The following GDPD5 variants were observed in gnomAD, a reference collection of about 807,000 sequenced individuals.
GDPD5 encodes glycerophosphodiester phosphodiesterase domain containing 5.
GDPD5 carries 48 observed loss-of-function variants against 75.1 expected under a neutral mutation model. The ratio of observed to expected loss-of-function variants is 0.64; its 90% CI spans 0.51 to 0.81. The LOEUF (loss-of-function observed/expected upper bound fraction) is 0.81. GDPD5 is among the 40% of genes least tolerant of loss of function. The probability of loss-of-function intolerance (pLI) is 0.00; values close to 1 mark genes in which losing one functional copy is unlikely to be tolerated. For missense variants in GDPD5, 706 were observed against 822.6 expected (o/e 0.86, Z 1.73); for synonymous variants, 336 against 339.0 (o/e 0.99, Z 0.10).
At chr11:75,455,067 G>A (rs1219956571) in intron 6 of GDPD5, 1 of 289,836 alleles carries the variant, frequency 3.5e-6, no homozygotes, top group East Asian at 8.3e-5. Flanking sequence ...ATAGGGGGCA[G>A]AGGGCAGAGG....
chr11:75,457,722 C>T lies in GDPD5; in HGVS notation c.286G>A (p.Ala96Thr). Residue 96 changes from alanine (A) to threonine (T), a missense_variant, in exon 5 of 17, where the codon GCT (alanine) becomes ACT (threonine). By Grantham distance (58) the Ala-to-Thr change is moderately conservative. Transcript: ENST00000336898. ...WPVPILVTTA[A>T]AFAYIAGLLV... is the part of the protein sequence containing the mutation. ...AGGCCAGCGATGTATGCGAAGGCAGCAGCTGTGGTCACAAGGATGGGTACG... is the reference window on the plus strand; with the variant it reads ...AGGCCAGCGATGTATGCGAAGGCAGTAGCTGTGGTCACAAGGATGGGTACG... The T allele has an allele frequency of 1.9e-6, 3 of 1,614,158 alleles. No homozygotes were observed. Among genetic ancestry groups the T allele is most frequent in the Non-Finnish European group, 2.5e-6 (3 of 1,180,002 alleles).
chr11:75,453,199 C>T (rs1420070364), intron 6 of GDPD5, among the ~76,000 whole-genome samples: 1 of 152,068 alleles, frequency 6.6e-6, no homozygotes, highest in African/African-American at 2.4e-5. Flanking sequence ...AAGGTCCCCA[C>T]ATAAGCACCA....
At chr11:75,454,709 G>C (rs1949246909) in intron 6 of GDPD5, among the ~76,000 whole-genome samples, 1 of 152,178 alleles carries the variant, frequency 6.6e-6, no homozygotes, top group Admixed American at 6.5e-5. Context: ...TGGAGTAGGC[G>C]ACTGTTTGTG....
Position 75,465,518 on chromosome 11 carries a change from G to C in GDPD5, c.118-2629C>G, listed in dbSNP as rs894026723. On this transcript the variant is annotated intron_variant, in intron 3 of 16. Coordinates refer to ENST00000336898, the MANE Select transcript of GDPD5 (RefSeq NM_030792.8). ...CTATACATAAATGCCTTGAGATCTG[G>C]GCAGTTTTCGTGTTCCAGATGGCAC... Among the ~76,000 whole-genome samples the C allele has an allele frequency of 2.0e-5, 3 of 152,104 alleles. No homozygotes were observed. The South Asian group carries it at 6.2e-4, about 32-fold the overall frequency.
intron 2 of GDPD5, among the ~76,000 whole-genome samples, chr11:75,483,961 T>C (rs1369057487): frequency 6.6e-6 from 1 of 151,740 alleles, no homozygotes; most frequent in African/African-American, 2.4e-5. Flanking sequence ...CCGAGGAGGG[T>C]GGATCACTTG....
intron 1 of GDPD5, among the ~76,000 whole-genome samples, chr11:75,496,775 CTTTCTTTT>C (rs1343115701): frequency 3.9e-5 from 3 of 76,182 alleles, no homozygotes; most frequent in African/African-American, 1.1e-4. Context: ...TCTTTTCTTT[CTTTCTTTT>C]TTTTTTTTTT....
chr11:75,435,009 G>T lies in GDPD5; in HGVS notation c.*498C>A. The T allele has an allele frequency of 6.5e-6, 1 of 153,232 alleles. No homozygotes were observed. The highest frequency in any genetic ancestry group is 1.5e-5 in the Non-Finnish European group (1 of 68,390). The allele number at this position is 153,232 out of a possible 1,614,324, so 9.5% of individuals were successfully genotyped here. A position where few individuals can be genotyped will look rare whatever the true frequency, so the allele number is the denominator to read the frequency against. ...CACATTGCAGCTGGCTTCCTCCTGGGCTGAACCTCCTTGTGCTTTGAGACT... is the reference window on the plus strand; with the variant it reads ...CACATTGCAGCTGGCTTCCTCCTGGTCTGAACCTCCTTGTGCTTTGAGACT... On this transcript the variant is annotated 3_prime_UTR_variant, in exon 17 of 17. Coordinates refer to ENST00000336898, the MANE Select transcript of GDPD5 (RefSeq NM_030792.8).
intron 1 of GDPD5, among the ~76,000 whole-genome samples, chr11:75,520,648 TAGC>T (rs1448606456): frequency 2.6e-5 from 4 of 152,212 alleles, no homozygotes; most frequent in Non-Finnish European, 5.9e-5. Context: ...TGGAAGCTTA[TAGC>T]AGGCAGCATC....
At chr11:75,478,149 G>A (rs1174015254) in intron 2 of GDPD5, among the ~76,000 whole-genome samples, 1 of 152,058 alleles carries the variant, frequency 6.6e-6, no homozygotes, top group Non-Finnish European at 1.5e-5. Context: ...TAGCTCAAAT[G>A]TCCTTTTCTT....
At chr11:75,455,776 G>A (rs531727554) in intron 6 of GDPD5, among the ~76,000 whole-genome samples, 1 of 152,354 alleles carries the variant, frequency 6.6e-6, no homozygotes, top group East Asian at 1.9e-4. Flanking sequence ...GTGCCCACCA[G>A]GGCCCCAAGA....
At chr11:75,458,117 G>A (rs1308865403) in intron 4 of GDPD5, among the ~76,000 whole-genome samples, 1 of 152,140 alleles carries the variant, frequency 6.6e-6, no homozygotes, top group Non-Finnish European at 1.5e-5. Context: ...CCAGGACCCC[G>A]CTGCACAAAG....
chr11:75,506,967 T>C (rs1463375761), intron 1 of GDPD5: 1 of 152,274 alleles, frequency 6.6e-6, no homozygotes, highest in East Asian at 1.9e-4. Flanking sequence ...GCCAGCTCTA[T>C]CCCAATCCTG....
At chr11:75,509,320 C>T (rs1281047520) in intron 1 of GDPD5, among the ~76,000 whole-genome samples, 2 of 152,182 alleles carry the variant, frequency 1.3e-5, no homozygotes, top group African/African-American at 4.8e-5. Flanking sequence ...TCTGTTCAAA[C>T]ACAGACAGGG....
chr11:75,466,212 A>C (rs978321940), intron 3 of GDPD5, among the ~76,000 whole-genome samples: 2 of 152,186 alleles, frequency 1.3e-5, no homozygotes, highest in Non-Finnish European at 2.9e-5. Context: ...GGTTGGGGCA[A>C]CCTAGGGATT....
intron 3 of GDPD5, among the ~76,000 whole-genome samples, chr11:75,472,853 C>T (rs1057126729): frequency 2.6e-5 from 4 of 152,000 alleles, no homozygotes; most frequent in African/African-American, 9.7e-5. Context: ...ACATGGCCAG[C>T]ACAGGTCAAC....
intron 1 of GDPD5, among the ~76,000 whole-genome samples, chr11:75,504,997 C>G (rs1950365837): frequency 6.6e-6 from 1 of 151,882 alleles, no homozygotes; most frequent in Admixed American, 6.6e-5. Context: ...GTGCGCATGC[C>G]TGTAATCCCA....
intron 4 of GDPD5, among the ~76,000 whole-genome samples, chr11:75,461,624 A>G (rs1471334070): frequency 1.3e-5 from 2 of 152,156 alleles, no homozygotes; most frequent in Non-Finnish European, 2.9e-5. Context: ...AGCAGCCCTC[A>G]TGTTTAGGTA....
rs540408478 is a variant in GDPD5 at position 75,435,448 on chromosome 11, A to G, written c.*59T>C. 26 of 1,459,992 alleles carry G rather than the reference A, an allele frequency of 1.8e-5. No homozygotes were observed. The East Asian group carries it at 6.1e-4, about 34-fold the overall frequency. The allele number at this position is 1,459,992 out of a possible 1,614,324, so 90.4% of individuals were successfully genotyped here. A position where few individuals can be genotyped will look rare whatever the true frequency, so the allele number is the denominator to read the frequency against. The stretch of plus-strand genomic sequence containing the variant: ...CTCCGAGTTCAGACACACTTCCACC[A>G]GCTCTCCTAGGCTCCCCAGCTTCTG... On this transcript the variant is annotated 3_prime_UTR_variant, in exon 17 of 17. Transcript: ENST00000336898.
intron 1 of GDPD5, among the ~76,000 whole-genome samples, 175 bp downstream of exon 1, chr11:75,525,035 C>T (rs1045901562): frequency 1.3e-5 from 2 of 152,112 alleles, no homozygotes; most frequent in Admixed American, 6.5e-5. Flanking sequence ...GGGCGCGAAC[C>T]CGCACACAAT....
Sources: gnomAD v4.1 joint callset for allele counts (sites outside exome capture counted in the v4.1 genomes callset) on GRCh38, gnomAD v4.1.1 for gene constraint, MANE v1.5 for transcripts, NCBI Gene and HGNC (gene_info 2026-07-23, HGNC 2026-07-21) for gene names.